The following SNX1 variants were observed in gnomAD, a reference collection of about 807,000 sequenced individuals.
SNX1 encodes sorting nexin 1.
SNX1 carries 36 observed loss-of-function variants against 71.8 expected under a neutral mutation model. The observed-to-expected ratio is 0.50, with a 90% confidence interval of 0.38 to 0.66. The LOEUF (loss-of-function observed/expected upper bound fraction) is 0.66, where lower values mean the gene tolerates loss of function less well. Among genes scored for constraint, SNX1 ranks in the 30% least tolerant of loss-of-function variants. The probability of loss-of-function intolerance (pLI) is 0.00; values close to 1 mark genes in which losing one functional copy is unlikely to be tolerated. For missense variants in SNX1, 612 were observed against 646.7 expected (o/e 0.95, Z 0.58); for synonymous variants, 254 against 240.7 (o/e 1.06, Z -0.51).
At chr15:64,135,108 G>GT (rs1213406434) in intron 12 of SNX1, among the ~76,000 whole-genome samples, 3 of 151,062 alleles carry the variant, frequency 2.0e-5, no homozygotes, top group Admixed American at 6.6e-5. Context: ...GAGGTCAGAG[G>GT]TTTTTTTTGT....
At position 64,134,799 on chromosome 15, in the gene SNX1, A is replaced by C. The variant is rs1411579502; in HGVS notation, c.1357A>C (p.Ile453Leu). 2.4e-5 allele frequency: 39 copies of C among 1,613,894 alleles called. No homozygotes were observed. Among genetic ancestry groups the C allele is most frequent in the Non-Finnish European group, 3.2e-5 (38 of 1,180,024 alleles). ...PDKLQQAKDE[I>L]LEWESRVTQY... is the part of the protein sequence containing the mutation. ...TAAGCTGCAGCAGGCCAAGGACGAG[A>C]TCCTCGAGGTGAGTCCACTGAGGCA... is the stretch of plus-strand genomic sequence containing the variant. Residue 453 changes from isoleucine to leucine, a missense_variant, in exon 12 of 15, where the codon ATC (isoleucine) becomes CTC (leucine). Physicochemically the swap from Ile to Leu is conservative, Grantham distance 5. Around this residue, in one of 2 missense-constraint regions of SNX1, gnomAD observed 296 missense variants for 361.9 expected, o/e 0.82. Coordinates refer to ENST00000559844, the MANE Select transcript of SNX1 (RefSeq NM_003099.5). This position sits in a 1 kb window ranked among gnomAD's most constrained non-coding sequence, Gnocchi z 4.1.
At position 64,130,360 on chromosome 15, in the gene SNX1, T is replaced by C; in HGVS notation, c.1015+39T>C. The C allele has an allele frequency of 3.2e-6, 5 of 1,540,696 alleles. No individual in the cohort carries two copies. The South Asian group carries it at 5.6e-5, about 17-fold the overall frequency. On this transcript the variant is annotated intron_variant, in intron 10 of 14. Transcript: ENST00000559844. Reference sequence around the variant, plus strand: ...AAATGCACTTGGAGCTAGGGGAAATTGTTGTCTCTAGTGAACTGGAGATGC... The same window carrying C: ...AAATGCACTTGGAGCTAGGGGAAATCGTTGTCTCTAGTGAACTGGAGATGC...
Position 64,134,145 on chromosome 15 carries a change from T to G in SNX1, c.1222-519T>G, listed in dbSNP as rs1046380058. 2.0e-5 allele frequency: 3 copies of G among 152,374 alleles called. No individual in the cohort carries two copies. The highest frequency in any genetic ancestry group is 7.2e-5 in the African/African-American group (3 of 41,462). The allele number at this position is 152,374 out of a possible 1,614,324, so 9.4% of individuals were successfully genotyped here. On this transcript the variant is annotated intron_variant, in intron 11 of 14. Coordinates refer to ENST00000559844, the MANE Select transcript of SNX1 (RefSeq NM_003099.5). The surrounding 1 kb of genome is among the most constrained non-coding windows in gnomAD (Gnocchi z 4.1). ...CCCTGACATATTTCCCAGGCTAAGC[T>G]AGGCCTCTGGTTTCATGTTATAGTA...
At chr15:64,119,083 C>G (rs1283050344) in intron 4 of SNX1, among the ~76,000 whole-genome samples, 1 of 151,780 alleles carries the variant, frequency 6.6e-6, no homozygotes, top group Non-Finnish European at 1.5e-5. Flanking sequence ...TCAGAGTCAT[C>G]AAATACTACT....
At chr15:64,114,359 A>G (rs1033416303) in intron 2 of SNX1, among the ~76,000 whole-genome samples, 1 of 152,082 alleles carries the variant, frequency 6.6e-6, no homozygotes, top group Non-Finnish European at 1.5e-5. Flanking sequence ...AATGGATATC[A>G]AAAAAAAGTG....
At chr15:64,117,346 C>A (rs2081140431) in intron 2 of SNX1, among the ~76,000 whole-genome samples, 1 of 152,226 alleles carries the variant, frequency 6.6e-6, no homozygotes, top group East Asian at 1.9e-4. Context: ...CCTCTGCCTC[C>A]CCAGTTCAAA....
chr15:64,118,163 GA>G lies in SNX1; in HGVS notation c.320del (p.Lys107ArgfsTer3). The part of the protein sequence containing the change: ...SLDSTQNNQK[K>X]VLAKTLISLP... ...TGGACAGCACACAAAATAATCAGAA[GA>G]AGGTGCTAGCCAAAACACTCATTTC... On this transcript the variant is annotated frameshift_variant, in exon 3 of 15. Coordinates refer to ENST00000559844, the MANE Select transcript of SNX1 (RefSeq NM_003099.5). LOFTEE classifies it high-confidence loss of function. The G allele has an allele frequency of 6.2e-7, 1 of 1,612,400 alleles. No individual in the cohort carries two copies. Among genetic ancestry groups the G allele is most frequent in the Non-Finnish European group, 8.5e-7 (1 of 1,179,606 alleles).
At chr15:64,127,036 C>T (rs2081261065) in intron 6 of SNX1, 138 bp from the exon 7 acceptor site, 1 of 652,810 alleles carries the variant, frequency 1.5e-6, no homozygotes, top group East Asian at 2.9e-5. Context: ...TTTTGTTCAT[C>T]CCTGCATATA....
chr15:64,134,703 C>T lies in SNX1; in HGVS notation c.1261C>T (p.Gln421Ter). Residue 421 changes from glutamine (Q) to a stop codon, truncating the protein, a stop_gained, in exon 12 of 15, where the codon CAG becomes TAG. Coordinates refer to ENST00000559844, the MANE Select transcript of SNX1 (RefSeq NM_003099.5). LOFTEE classifies it high-confidence loss of function. This position sits in a 1 kb window ranked among gnomAD's most constrained non-coding sequence, Gnocchi z 4.1. The stretch of plus-strand genomic sequence containing the variant: ...GCGCATGAAGACATGGCAGCGCTGG[C>T]AGGATGCCCAAGCCACACTGCAGAA... ...DQRMKTWQRWQDAQATLQKKR... is the reference protein window; with the variant it reads ...DQRMKTWQRW The T allele has an allele frequency of 6.2e-7, 1 of 1,613,324 alleles. No homozygotes were observed. The highest frequency in any genetic ancestry group is 8.5e-7 in the Non-Finnish European group (1 of 1,179,948).
At chr15:64,132,443 A>T (rs942939897) in intron 11 of SNX1, 1 of 156,144 alleles carries the variant, frequency 6.4e-6, no homozygotes, top group Non-Finnish European at 1.4e-5. Flanking sequence ...GTGCTGTGTC[A>T]CCCCACACTG....
At chr15:64,117,437 T>C (rs2081141579) in intron 2 of SNX1, among the ~76,000 whole-genome samples, 1 of 152,122 alleles carries the variant, frequency 6.6e-6, no homozygotes, top group Non-Finnish European at 1.5e-5. Flanking sequence ...TTTGTATTTT[T>C]AGTAGAGACG....
chr15:64,103,271 A>G (rs985410660), intron 1 of SNX1, among the ~76,000 whole-genome samples: 5 of 152,090 alleles, frequency 3.3e-5, no homozygotes, highest in African/African-American at 1.2e-4. Flanking sequence ...TCTTTTAGTA[A>G]TCTCCATACT....
At chr15:64,116,913 C>A (rs2081135456) in intron 2 of SNX1, among the ~76,000 whole-genome samples, 1 of 152,170 alleles carries the variant, frequency 6.6e-6, no homozygotes, top group Non-Finnish European at 1.5e-5. Context: ...ACAAAGGCAG[C>A]CCTTAAGCAC....
chr15:64,137,962 A>G lies in SNX1; in HGVS notation c.*344A>G. On this transcript the variant is annotated 3_prime_UTR_variant, in exon 15 of 15. Coordinates refer to ENST00000559844, the MANE Select transcript of SNX1 (RefSeq NM_003099.5). ...GGAATAACGTTTTCTGTTACTCCTG[A>G]TGGTGCCATGAAAAGGTTATGTAAT... The G allele has an allele frequency of 7.0e-7, 1 of 1,437,228 alleles. No homozygotes were observed. Among genetic ancestry groups the G allele is most frequent in the Non-Finnish European group, 9.1e-7 (1 of 1,103,070 alleles). 89.0% of individuals were successfully genotyped at this position (1,437,228 alleles called of 1,614,324 possible). A position where few individuals can be genotyped will look rare whatever the true frequency, so the allele number is the denominator to read the frequency against.
chr15:64,104,418 G>A (rs1595976670), intron 1 of SNX1, among the ~76,000 whole-genome samples: 1 of 151,630 alleles, frequency 6.6e-6, no homozygotes, highest in African/African-American at 2.4e-5. Context: ...GACTACAGGC[G>A]CCCGCCACCA....
intron 4 of SNX1, among the ~76,000 whole-genome samples, chr15:64,121,033 T>C (rs892143965): frequency 2.0e-5 from 3 of 152,180 alleles, no homozygotes; most frequent in African/African-American, 7.2e-5. Flanking sequence ...ACCAGGACTT[T>C]GGATTATATG....
At chr15:64,125,943 T>G in intron 5 of SNX1, 136 bp from the exon 6 acceptor site, 1 of 900,602 alleles carries the variant, frequency 1.1e-6, no homozygotes, top group South Asian at 1.4e-5. Context: ...ACTCTCTGCC[T>G]TGGAGAAAGT....
intron 2 of SNX1, 22 bp downstream of exon 2, chr15:64,112,706 A>T (rs2081089572): frequency 6.7e-7 from 1 of 1,500,834 alleles, no homozygotes; most frequent in Admixed American, 1.8e-5. Context: ...CTCAAAAGTT[A>T]CTCTAGGAAC....
In SNX1 at chr15:64,112,658, A is replaced by G; in HGVS notation, c.245A>G (p.Asp82Gly). The change falls in exon 2 of 15, where the codon GAC becomes GGC. Residue 82 changes from aspartate (D) to glycine (G), a missense_variant. By Grantham distance (94) the Asp-to-Gly change is moderately conservative. Transcript: ENST00000559844. ...GAAAATGGGATCCATGAAGAACAAG[A>G]CCAAGAGCCACAGGATCTCTTTGCA... ...SKENGIHEEQ[D>G]QEPQDLFADA... 6.2e-7 allele frequency: 1 copy of G among 1,613,208 alleles called. No homozygotes were observed. The highest frequency in any genetic ancestry group is 1.1e-5 in the South Asian group (1 of 90,936).
Sources: gnomAD v4.1 joint callset for allele counts (sites outside exome capture counted in the v4.1 genomes callset) on GRCh38, gnomAD v4.1.1 for gene constraint, gnomAD v4.1.1 regional missense constraint, Gnocchi (gnomAD v3.1) non-coding constraint, MANE v1.5 for transcripts, NCBI Gene and HGNC (gene_info 2026-07-23, HGNC 2026-07-21) for gene names.